The following WWTR1 variants were observed in gnomAD, a reference collection of about 807,000 sequenced individuals.
WWTR1 encodes WW domain-containing transcription regulator protein 1.
A neutral mutation model predicts 40.1 loss-of-function variants in WWTR1; 13 were observed. The observed-to-expected ratio is 0.32, with a 90% CI of 0.21 to 0.52. The LOEUF is 0.52. Ranked by LOEUF, WWTR1 falls within the 20% of genes least tolerant of loss-of-function variation. The pLI, the probability that WWTR1 is intolerant of heterozygous loss-of-function variation, is 0.97. For missense variants in WWTR1, 436 were observed against 523.1 expected (o/e 0.83, Z 1.63); for synonymous variants, 230 against 210.1 (o/e 1.09, Z -0.82).
intron 1 of WWTR1, 156 bp from the exon 2 acceptor site, chr3:149,657,465 C>T: frequency 2.3e-6 from 2 of 870,788 alleles, no homozygotes; most frequent in Non-Finnish European, 3.4e-6. Context: ...AGACACTCAG[C>T]GGTAAGACCA....
intron 3 of WWTR1, among the ~76,000 whole-genome samples, chr3:149,547,067 G>A (rs758741874): frequency 2.6e-5 from 4 of 151,998 alleles, no homozygotes; most frequent in East Asian, 1.9e-4. Context: ...TAAAACCACC[G>A]CTTTTGACAC....
chr3:149,631,162 C>T (rs1711537188), intron 2 of WWTR1, among the ~76,000 whole-genome samples: 1 of 152,190 alleles, frequency 6.6e-6, no homozygotes, highest in South Asian at 2.1e-4. Context: ...ACATAATTCT[C>T]ACAGTCAAAT....
intron 2 of WWTR1, among the ~76,000 whole-genome samples, chr3:149,589,646 G>GTTT (rs11388564): frequency 1.1e-3 from 160 of 145,228 alleles, no homozygotes; most frequent in African/African-American, 4.0e-3. Flanking sequence ...CTTTCCATGA[G>GTTT]TTTTTTTTTT....
chr3:149,599,393 C>T (rs903776058), intron 2 of WWTR1, among the ~76,000 whole-genome samples: 6 of 152,210 alleles, frequency 3.9e-5, no homozygotes, highest in African/African-American at 1.4e-4. Context: ...CAGGAAATCC[C>T]GCCAGACAGG....
chr3:149,561,825 T>C (rs1380887030), intron 3 of WWTR1, among the ~76,000 whole-genome samples: 1 of 152,180 alleles, frequency 6.6e-6, no homozygotes, highest in East Asian at 1.9e-4. Flanking sequence ...AGAGCATGTC[T>C]AGAATAATGC....
chr3:149,547,149 A>G (rs1736399766), intron 3 of WWTR1, among the ~76,000 whole-genome samples: 2 of 151,824 alleles, frequency 1.3e-5, no homozygotes, highest in Non-Finnish European at 1.5e-5. Flanking sequence ...AAGGCAAAAC[A>G]TCTAAATTTG....
chr3:149,722,311 C>G (rs752674975), intron 4 of WWTR1, among the ~76,000 whole-genome samples: 1 of 150,380 alleles, frequency 6.6e-6, no homozygotes, highest in Non-Finnish European at 1.5e-5. Context: ...TTTACTTTTT[C>G]TAGTTTCTTA....
chr3:149,636,966 GAAAAAAAAAA>G (rs397950107), intron 2 of WWTR1, among the ~76,000 whole-genome samples: 2 of 43,316 alleles, frequency 4.6e-5, no homozygotes, highest in African/African-American at 1.9e-4. Context: ...TGTCTCAAGT[GAAAAAAAAAA>G]AAAAAAAAAA....
upstream of WWTR1, among the ~76,000 whole-genome samples, chr3:149,661,935 T>C (rs565829411): frequency 9.0e-4 from 136 of 151,608 alleles, 1 homozygote; most frequent in African/African-American, 3.3e-3. Flanking sequence ...GTTTCACCAT[T>C]TGGGCCAGGC....
At chr3:149,532,867 A>C (rs1315436988) in intron 4 of WWTR1, among the ~76,000 whole-genome samples, 2 of 152,202 alleles carry the variant, frequency 1.3e-5, no homozygotes, top group African/African-American at 4.8e-5. Context: ...AAAGCAGCTG[A>C]AGCAAAGACA....
intron 4 of WWTR1, among the ~76,000 whole-genome samples, chr3:149,541,456 T>A (rs1296553650): frequency 2.0e-5 from 3 of 152,188 alleles, no homozygotes; most frequent in Admixed American, 1.3e-4. Flanking sequence ...CCCAGGCAGT[T>A]TTGCAGAGCA....
At chr3:149,665,709 A>G (rs1211838350) in intron 2 of WWTR1, among the ~76,000 whole-genome samples, 1 of 152,222 alleles carries the variant, frequency 6.6e-6, no homozygotes, top group East Asian at 1.9e-4. Flanking sequence ...TGTGAATACT[A>G]TCATTATAAC....
In WWTR1 at chr3:149,570,692, T is replaced by A. The variant is rs1737574335; in HGVS notation, c.568+2172A>T. 6.6e-5 allele frequency among the ~76,000 whole-genome samples: 10 copies of A among 152,240 alleles called. No homozygotes were observed. The South Asian group carries it at 2.1e-3, about 32-fold the overall frequency. On this transcript the variant is annotated intron_variant, in intron 3 of 6. Transcript: ENST00000360632. ...TGTTTCAGAATGTTCAGATTACAAC[T>A]TCTTTAGATATACTTTACTAGTGCA...
upstream of WWTR1, chr3:149,658,150 TTCCTCC>T: frequency 6.5e-6 from 1 of 153,884 alleles, no homozygotes; most frequent in Non-Finnish European, 1.4e-5. Flanking sequence ...GCCCCTCCTC[TTCCTCC>T]TCCTCCTCCT....
At chr3:149,528,023 G>A in intron 4 of WWTR1, 54 bp from the exon 5 acceptor site, 1 of 1,579,644 alleles carries the variant, frequency 6.3e-7, no homozygotes, top group Admixed American at 1.8e-5. Context: ...AAGGCATGGA[G>A]CAAAGTGTAC....
intron 5 of WWTR1, among the ~76,000 whole-genome samples, chr3:149,708,583 T>C (rs1161675781): frequency 6.6e-6 from 1 of 152,238 alleles, no homozygotes. Flanking sequence ...TTTGTCTTTT[T>C]GTGACTGACT....
At chr3:149,549,855 AAAAAC>A (rs373961886) in intron 3 of WWTR1, among the ~76,000 whole-genome samples, 11 of 152,240 alleles carry the variant, frequency 7.2e-5, no homozygotes, top group African/African-American at 1.9e-4. Context: ...ACAAAAAACA[AAAAAC>A]AAAACAAAAC....
intron 2 of WWTR1, among the ~76,000 whole-genome samples, chr3:149,602,740 C>A (rs142910276): frequency 6.0e-4 from 91 of 152,334 alleles, no homozygotes; most frequent in African/African-American, 2.1e-3. Context: ...TCTCGGCTCA[C>A]TGCAACCTCT....
intron 2 of WWTR1, among the ~76,000 whole-genome samples, chr3:149,583,118 A>G (rs1738232133): frequency 6.6e-6 from 1 of 152,068 alleles, no homozygotes; most frequent in Admixed American, 6.6e-5. Flanking sequence ...GGCGTGTGCC[A>G]CCACACCTGA....
Sources: allele counts gnomAD v4.1 joint callset (sites outside exome capture counted in the v4.1 genomes callset), GRCh38; gene constraint gnomAD v4.1.1; transcripts MANE v1.5; gene names NCBI Gene and HGNC (gene_info 2026-07-23, HGNC 2026-07-21).